Variants in PRKDC observed in about 807,000 individuals in gnomAD.
PRKDC encodes protein kinase, DNA-activated, catalytic subunit.
In PRKDC, 82 loss-of-function variants were observed where a neutral mutation model predicts 486.9. That is an observed-to-expected ratio of 0.17 (90% CI 0.14 to 0.20). The LOEUF (loss-of-function observed/expected upper bound fraction) is 0.20. PRKDC is among the 10% of genes least tolerant of loss of function. PRKDC has a pLI of 1.00. For missense variants in PRKDC, 4,504 were observed against 5,038.2 expected (o/e 0.89, Z 3.21); for synonymous variants, 1,895 against 1,837.0 (o/e 1.03, Z -0.81).
At chr8:47,880,869 T>C (rs1462651095) in intron 38 of PRKDC, among the ~76,000 whole-genome samples, 1 of 151,346 alleles carries the variant, frequency 6.6e-6, no homozygotes, top group Non-Finnish European at 1.5e-5. Flanking sequence ...GCCTGGCCAC[T>C]ATGGTGAAAT....
chr8:47,871,678 G>A (rs1213567396), intron 40 of PRKDC, among the ~76,000 whole-genome samples: 1 of 151,996 alleles, frequency 6.6e-6, no homozygotes, highest in Non-Finnish European at 1.5e-5. Context: ...AGCTCACTGC[G>A]ACCTCCACCT....
At chr8:47,814,277 A>C (rs1003111687) in intron 68 of PRKDC, among the ~76,000 whole-genome samples, 1 of 152,260 alleles carries the variant, frequency 6.6e-6, no homozygotes, top group Non-Finnish European at 1.5e-5. Flanking sequence ...AAGCTGAGTG[A>C]GTGAACTATC....
At position 47,782,279 on chromosome 8, in the gene PRKDC, C is replaced by T. The variant is rs1251988092; in HGVS notation, c.11397-25G>A. 8.7e-6 allele frequency: 14 copies of T among 1,611,910 alleles called. No individual in the cohort carries two copies. The highest frequency in any genetic ancestry group is 3.3e-5 in the Admixed American group (2 of 59,990). ...CCTGAAAGGGAGAATAAAAGGTTAACGAGTAAACCCAAACTGCTCTTTCTT... is the reference window on the plus strand; with the variant it reads ...CCTGAAAGGGAGAATAAAAGGTTAATGAGTAAACCCAAACTGCTCTTTCTT... On this transcript the variant is annotated intron_variant, in intron 79 of 85. Coordinates refer to ENST00000314191, the MANE Select transcript of PRKDC (RefSeq NM_006904.7). This position sits in a 1 kb window ranked among gnomAD's most constrained non-coding sequence, Gnocchi z 4.9.
At chr8:47,828,919 T>C (rs1009101171) in intron 61 of PRKDC, among the ~76,000 whole-genome samples, 1 of 152,234 alleles carries the variant, frequency 6.6e-6, no homozygotes, top group Non-Finnish European at 1.5e-5. Flanking sequence ...CTCCCGCAAA[T>C]AGCACACTAC....
chr8:47,835,550 G>A (rs2087996519), intron 58 of PRKDC, among the ~76,000 whole-genome samples: 1 of 134,988 alleles, frequency 7.4e-6, no homozygotes, highest in Non-Finnish European at 1.5e-5. Flanking sequence ...CCAGGAGGCA[G>A]AGGTTGCAGT....
chr8:47,881,346 AAC>A, intron 38 of PRKDC, 68 bp downstream of exon 38: 1 of 968,628 alleles, frequency 1.0e-6, no homozygotes, highest in Non-Finnish European at 1.6e-6. Flanking sequence ...AAAAATAAAA[AAC>A]ATCACAAATA....
intron 10 of PRKDC, among the ~76,000 whole-genome samples, chr8:47,940,881 C>T (rs529245710): frequency 2.0e-5 from 3 of 152,292 alleles, no homozygotes; most frequent in Admixed American, 6.5e-5. Context: ...CAGTAGCTCA[C>T]GCCTGTCATC....
chr8:47,890,564 G>C, intron 31 of PRKDC, 84 bp from the exon 32 acceptor site: 2 of 1,057,282 alleles, frequency 1.9e-6, no homozygotes, highest in Non-Finnish European at 2.7e-6. Context: ...TGTAAGTATA[G>C]GCATGGTATA....
At chr8:47,868,087 T>G (rs186346610) in intron 40 of PRKDC, among the ~76,000 whole-genome samples, 129 of 152,320 alleles carry the variant, frequency 8.5e-4, no homozygotes, top group African/African-American at 3.1e-3. Flanking sequence ...AATAGCTTAA[T>G]GTATCTTTAA....
chr8:47,927,654 G>T, intron 20 of PRKDC, 117 bp downstream of exon 20: 1 of 1,290,394 alleles, frequency 7.7e-7, no homozygotes, highest in Non-Finnish European at 1.0e-6. Context: ...ACCCTGACCC[G>T]GGCACGCCTG....
intron 57 of PRKDC, 28 bp downstream of exon 57, chr8:47,837,184 A>G (rs1299929015): frequency 3.8e-6 from 6 of 1,576,830 alleles, no homozygotes; most frequent in Non-Finnish European, 5.2e-6. Flanking sequence ...TATAATATTC[A>G]CTACTATGAG....
Position 47,864,468 on chromosome 8 carries a change from G to A in PRKDC, c.5571+88C>T, listed in dbSNP as rs939781809. ...TGTGGCACACTCCTTGAACAGCAGA[G>A]GCCATGTGACTGAGCACACAGCAGT... On this transcript the variant is annotated intron_variant, in intron 41 of 85. Transcript: ENST00000314191. The A allele has an allele frequency of 4.3e-6, 5 of 1,174,862 alleles. No individual in the cohort carries two copies. In the African/African-American group the frequency reaches 6.1e-5, roughly 14 times the overall value. The allele number at this position is 1,174,862 out of a possible 1,614,324, so 72.8% of individuals were successfully genotyped here.
At position 47,898,583 on chromosome 8, in the gene PRKDC, C is replaced by T. The variant is rs1198721755; in HGVS notation, c.3365-14G>A. 3 of 1,342,878 alleles carry T rather than the reference C, an allele frequency of 2.2e-6. No individual in the cohort carries two copies. The highest frequency in any genetic ancestry group is 2.0e-6 in the Non-Finnish European group (2 of 1,024,194). 83.2% of individuals were successfully genotyped at this position (1,342,878 alleles called of 1,614,324 possible). A position where few individuals can be genotyped will look rare whatever the true frequency, so the allele number is the denominator to read the frequency against. ...GTTGAATTGTACCTGTTCTCAAGTACAGAGACATATTTCCAAAGAAGGCAT... is the reference window on the plus strand; with the variant it reads ...GTTGAATTGTACCTGTTCTCAAGTATAGAGACATATTTCCAAAGAAGGCAT... On this transcript the variant is annotated splice_polypyrimidine_tract_variant and intron_variant, in intron 28 of 85. Coordinates refer to ENST00000314191, the MANE Select transcript of PRKDC (RefSeq NM_006904.7).
chr8:47,917,246 T>C (rs2090000815), intron 22 of PRKDC, among the ~76,000 whole-genome samples: 2 of 151,812 alleles, frequency 1.3e-5, no homozygotes, highest in African/African-American at 4.8e-5. Flanking sequence ...CAACATGAGA[T>C]CCTGCCTCAA....
At chr8:47,876,961 T>G (rs1482259875) in intron 40 of PRKDC, among the ~76,000 whole-genome samples, 1 of 152,230 alleles carries the variant, frequency 6.6e-6, no homozygotes. Flanking sequence ...CCAGACATTA[T>G]GCACCTCCTA....
Position 47,890,470 on chromosome 8 carries a change from G to T in PRKDC, c.3858C>A (p.Ala1286=). The part of the protein sequence containing the change: ...VGALQVLGTE[A]QSSLLKAVAF... ...CCACTGCTTTCAAAAGTGAAGACTGGGCTTCAGTACCTAGAAGCAATTATA... is the reference window on the plus strand; with the variant it reads ...CCACTGCTTTCAAAAGTGAAGACTGTGCTTCAGTACCTAGAAGCAATTATA... Residue 1286 remains alanine, a synonymous_variant, in exon 32 of 86, where the codon GCC becomes GCA. Transcript: ENST00000314191. The T allele has an allele frequency of 6.4e-7, 1 of 1,556,466 alleles. No individual in the cohort carries two copies.
chr8:47,834,483 G>A (rs1263090729), intron 58 of PRKDC, 87 bp from the exon 59 acceptor site: 66 of 1,379,270 alleles, frequency 4.8e-5, no homozygotes, highest in Non-Finnish European at 6.4e-5. Context: ...CACACCTGGT[G>A]GCACCCTAGG....
rs769989316 is a variant in PRKDC, at chr8:47,863,515, G to A, written c.5634C>T (p.Asp1878=). ...CTTTGGGAAGGCGAGAATACATCAC[G>A]TCTAGAATCTTATAGTAGCCCATCT... ...TKKMGYYKIL[D]VMYSRLPKDD... The change falls in exon 42 of 86, where the codon GAC becomes GAT. Residue 1878 remains aspartate, a synonymous_variant. Transcript: ENST00000314191. 23 of 1,612,612 alleles carry A rather than the reference G, an allele frequency of 1.4e-5. No homozygotes were observed. Among genetic ancestry groups the A allele is most frequent in the South Asian group, 2.2e-5 (2 of 90,904 alleles).
rs148745264 is a variant in PRKDC at position 47,787,184 on chromosome 8, A to G, written c.10902+1722T>C. ...AGAGCATTACTAGCAGTTACTCAAC[A>G]GTTGTCAAGATTTACCTGATCATCT... On this transcript the variant is annotated intron_variant, in intron 76 of 85. Transcript: ENST00000314191. Among the ~76,000 whole-genome samples, 282 of 152,368 alleles carry G rather than the reference A, an allele frequency of 1.9e-3. 1 individual carries two copies. Among genetic ancestry groups the G allele is most frequent in the African/African-American group, 6.6e-3 (275 of 41,594 alleles).
Sources: allele counts gnomAD v4.1 joint callset (sites outside exome capture counted in the v4.1 genomes callset), GRCh38; gene constraint gnomAD v4.1.1; non-coding constraint Gnocchi (gnomAD v3.1); transcripts MANE v1.5; gene names NCBI Gene and HGNC (gene_info 2026-07-23, HGNC 2026-07-21).